ARID3A: variants seen among roughly 807,000 people sequenced by gnomAD.
The protein encoded by ARID3A is AT-rich interaction domain 3A, also known as AT-rich interactive domain-containing protein 3A.
ARID3A carries 11 observed loss-of-function variants against 52.7 expected under a neutral mutation model. The ratio of observed to expected loss-of-function variants is 0.21; its 90% CI spans 0.13 to 0.35. The LOEUF (loss-of-function observed/expected upper bound fraction) is 0.35. Among genes scored for constraint, ARID3A ranks in the 10% least tolerant of loss-of-function variants. The pLI is 1.00. For synonymous variants in ARID3A, 404 were observed against 359.4 expected, an observed-to-expected ratio of 1.12 and a Z score of -1.40; for missense variants, 721 against 838.5, an observed-to-expected ratio of 0.86 and a Z score of 1.73.
rs1056204832 is a variant in ARID3A at position 947,693 on chromosome 19, A to T, written c.694-12399A>T. On this transcript the variant is annotated intron_variant, in intron 3 of 8. Transcript: ENST00000263620. The surrounding 1 kb of genome is among the most constrained non-coding windows in gnomAD (Gnocchi z 6.3). Reference sequence around the variant, plus strand: ...AAATCCACAGAGAAGCACCTTCACCACGCCAGCTTCCCGGGCCGCGCTTCA... The same window carrying T: ...AAATCCACAGAGAAGCACCTTCACCTCGCCAGCTTCCCGGGCCGCGCTTCA... Among the ~76,000 whole-genome samples the T allele has an allele frequency of 6.6e-6, 1 of 152,160 alleles. No homozygotes were observed. The highest frequency in any genetic ancestry group is 1.5e-5 in the Non-Finnish European group (1 of 68,028).
Position 960,990 on chromosome 19 carries a change from C to T in ARID3A, c.766+826C>T, listed in dbSNP as rs375174554. Reference sequence around the variant, plus strand: ...GAGTGACCACGGGGCAGAGAGAGTGCGGCAAGGGCTTCCGTCTCGCCTCCA... The same window carrying T: ...GAGTGACCACGGGGCAGAGAGAGTGTGGCAAGGGCTTCCGTCTCGCCTCCA... On this transcript the variant is annotated intron_variant, in intron 4 of 8. Coordinates refer to ENST00000263620, the MANE Select transcript of ARID3A (RefSeq NM_005224.3). This position sits in a 1 kb window ranked among gnomAD's most constrained non-coding sequence, Gnocchi z 4.3. Among the ~76,000 whole-genome samples, 4 of 152,098 alleles carry T rather than the reference C, an allele frequency of 2.6e-5. No individual in the cohort carries two copies. Among genetic ancestry groups the T allele is most frequent in the East Asian group, 1.9e-4 (1 of 5,190 alleles).
intron 3 of ARID3A, among the ~76,000 whole-genome samples, chr19:957,242 C>A (rs925014611): frequency 6.6e-6 from 1 of 152,128 alleles, no homozygotes; most frequent in East Asian, 1.9e-4. Flanking sequence ...CAGAGGCGGT[C>A]GGTGGCTCAT....
At position 964,070 on chromosome 19, in the gene ARID3A, G is replaced by A. The variant is rs1442874131; in HGVS notation, c.767-178G>A. The stretch of plus-strand genomic sequence containing the variant: ...CCCCTCTGCACCCTCTCGAGCAGAG[G>A]TTCCCAGCCTGGATGATCCTGCACC... On this transcript the variant is annotated intron_variant, in intron 4 of 8. Coordinates refer to ENST00000263620, the MANE Select transcript of ARID3A (RefSeq NM_005224.3). This position sits in a 1 kb window ranked among gnomAD's most constrained non-coding sequence, Gnocchi z 5.7. 2.0e-5 allele frequency among the ~76,000 whole-genome samples: 3 copies of A among 152,198 alleles called. No individual in the cohort carries two copies. Among genetic ancestry groups the A allele is most frequent in the South Asian group, 2.1e-4 (1 of 4,830 alleles).
chr19:971,455 TA>T (rs1403038038), intron 8 of ARID3A, among the ~76,000 whole-genome samples: 2 of 151,870 alleles, frequency 1.3e-5, no homozygotes, highest in Non-Finnish European at 2.9e-5. Context: ...GTACTAAAAA[TA>T]AAAAATTGGC....
chr19:973,354 T>C lies in ARID3A; in HGVS notation c.*1289T>C, dbSNP rs1233968931. ...ATCTCGAACTCCTGACCTCAGGTGA[T>C]CTGCCCGCCTTGGCCTCCCAAAGTG... is the stretch of plus-strand genomic sequence containing the variant. On this transcript the variant is annotated 3_prime_UTR_variant, in exon 9 of 9. Coordinates refer to ENST00000263620, the MANE Select transcript of ARID3A (RefSeq NM_005224.3). 1.7e-5 allele frequency: 3 copies of C among 181,522 alleles called. No homozygotes were observed. Among genetic ancestry groups the C allele is most frequent in the African/African-American group, 7.1e-5 (3 of 42,340 alleles). The allele number at this position is 181,522 out of a possible 1,614,324, so 11.2% of individuals were successfully genotyped here.
At chr19:969,120 T>G (rs1599430095) in intron 8 of ARID3A, among the ~76,000 whole-genome samples, 1 of 152,144 alleles carries the variant, frequency 6.6e-6, no homozygotes, top group African/African-American at 2.4e-5. Flanking sequence ...TTTATTTTTT[T>G]TAATTTGTAA....
chr19:957,309 A>T (rs2037942768), intron 3 of ARID3A, among the ~76,000 whole-genome samples: 1 of 152,180 alleles, frequency 6.6e-6, no homozygotes, highest in Admixed American at 6.5e-5. Context: ...AGCAGGAGAC[A>T]GGAGGACCGG....
At position 966,807 on chromosome 19, in the gene ARID3A, C is replaced by G. The variant is rs919105418; in HGVS notation, c.1434C>G (p.Leu478=). The change falls in exon 7 of 9, where the codon CTC becomes CTG. Residue 478 remains leucine (L), a synonymous_variant. Coordinates refer to ENST00000263620, the MANE Select transcript of ARID3A (RefSeq NM_005224.3). The stretch of plus-strand genomic sequence containing the variant: ...AGCAACGGCTGATGCAACGTGCACT[C>G]CAGCAGAACTTCCTGGCCATGGCGG... ...DEQQRLMQRA[L]QQNFLAMAAQ... is the part of the protein sequence containing the mutation. The G allele has an allele frequency of 4.3e-6, 7 of 1,613,500 alleles. No individual in the cohort carries two copies. The African/African-American group carries it at 9.3e-5, about 22-fold the overall frequency.
rs61735586 is a variant in ARID3A at position 966,714 on chromosome 19, A to G, written c.1341A>G (p.Glu447=). Residue 447 remains glutamate, a synonymous_variant, in exon 7 of 9, where the codon GAA becomes GAG. Transcript: ENST00000263620. ...AAVAAQAAAL[E]QLREKLESAE... is the part of the protein sequence containing the mutation. ...TGGCCGCACAGGCAGCTGCCCTGGA[A>G]CAGCTGCGGGAGAAGCTGGAGTCTG... is the stretch of plus-strand genomic sequence containing the variant. The G allele has an allele frequency of 2.8e-3, 4,491 of 1,612,404 alleles. 107 individuals are homozygous for G. In the African/African-American group the frequency reaches 0.052, roughly 19 times the overall value.
rs1465612722 is a variant in ARID3A, at chr19:959,456, A to G, written c.694-636A>G. 2.0e-5 allele frequency among the ~76,000 whole-genome samples: 3 copies of G among 152,010 alleles called. No individual in the cohort carries two copies. Among genetic ancestry groups the G allele is most frequent in the African/African-American group, 4.8e-5 (2 of 41,376 alleles). ...ACCTGGGTAACTTTTTGTTATCATA[A>G]TGTAGAGATGGGGTCTCACTATGTT... On this transcript the variant is annotated intron_variant, in intron 3 of 8. Coordinates refer to ENST00000263620, the MANE Select transcript of ARID3A (RefSeq NM_005224.3). The surrounding 1 kb of genome is among the most constrained non-coding windows in gnomAD (Gnocchi z 5.0).
intron 3 of ARID3A, among the ~76,000 whole-genome samples, chr19:939,233 C>G (rs1404820738): frequency 6.6e-6 from 1 of 152,096 alleles, no homozygotes; most frequent in African/African-American, 2.4e-5. Flanking sequence ...ATTCTCCTGC[C>G]TCAGCCTCCA....
chr19:947,868 G>A lies in ARID3A; in HGVS notation c.694-12224G>A, dbSNP rs1020687089. On this transcript the variant is annotated intron_variant, in intron 3 of 8. Coordinates refer to ENST00000263620, the MANE Select transcript of ARID3A (RefSeq NM_005224.3). The surrounding 1 kb of genome is among the most constrained non-coding windows in gnomAD (Gnocchi z 6.3). The stretch of plus-strand genomic sequence containing the variant: ...AGAATCACTTCCCCAATTTCCCCAC[G>A]CCCGGCGGGGCTCTCAGCATCTGCA... Among the ~76,000 whole-genome samples, 4 of 152,308 alleles carry A rather than the reference G, an allele frequency of 2.6e-5. No homozygotes were observed. The highest frequency in any genetic ancestry group is 6.5e-5 in the Admixed American group (1 of 15,296).
In ARID3A at chr19:972,076, C is replaced by G. The variant is rs1402003109; in HGVS notation, c.*11C>G. ...AACTCGTTGCCTTAACCGCATCACTCCCCACCCGCCACCCACCCTGGAGCC... is the reference window on the plus strand; with the variant it reads ...AACTCGTTGCCTTAACCGCATCACTGCCCACCCGCCACCCACCCTGGAGCC... On this transcript the variant is annotated 3_prime_UTR_variant, in exon 9 of 9. Transcript: ENST00000263620. 3 of 1,511,592 alleles carry G rather than the reference C, an allele frequency of 2.0e-6. No individual in the cohort carries two copies. The highest frequency in any genetic ancestry group is 2.6e-6 in the Non-Finnish European group (3 of 1,132,758). 93.6% of individuals were successfully genotyped at this position (1,511,592 alleles called of 1,614,324 possible).
chr19:930,925 C>A (rs1220693127), intron 2 of ARID3A, among the ~76,000 whole-genome samples: 2 of 152,198 alleles, frequency 1.3e-5, no homozygotes, highest in East Asian at 3.9e-4. Context: ...GTGTGGGTCC[C>A]CCCAGGGCTG....
chr19:940,934 G>A (rs1233620481), intron 3 of ARID3A, among the ~76,000 whole-genome samples: 2 of 152,100 alleles, frequency 1.3e-5, no homozygotes, highest in Non-Finnish European at 2.9e-5. Flanking sequence ...GTGGGTGCCC[G>A]CCAGCCCCTG....
intron 3 of ARID3A, among the ~76,000 whole-genome samples, chr19:935,862 C>T (rs558985818): frequency 1.3e-4 from 20 of 152,358 alleles, no homozygotes; most frequent in African/African-American, 4.6e-4. Context: ...GCGATCGCGG[C>T]TCACTGCAAG....
intron 4 of ARID3A, among the ~76,000 whole-genome samples, chr19:962,665 C>T (rs1230362162): frequency 1.3e-5 from 2 of 152,036 alleles, no homozygotes; most frequent in Non-Finnish European, 2.9e-5. Context: ...CAGGCGCCCG[C>T]CACCACGCCC....
At chr19:968,021 G>A (rs1428795376) in intron 7 of ARID3A, among the ~76,000 whole-genome samples, 2 of 149,948 alleles carry the variant, frequency 1.3e-5, no homozygotes, top group Non-Finnish European at 3.0e-5. Flanking sequence ...CTCCAGCCTG[G>A]GTGACAGAGT....
chr19:966,174 A>AG (rs2038147218), intron 6 of ARID3A, among the ~76,000 whole-genome samples: 1 of 149,646 alleles, frequency 6.7e-6, no homozygotes, highest in Non-Finnish European at 1.5e-5. Flanking sequence ...GCAAAAAAAA[A>AG]AAAGGCTGGG....
Sources: allele counts gnomAD v4.1 joint callset (sites outside exome capture counted in the v4.1 genomes callset), GRCh38; gene constraint gnomAD v4.1.1; non-coding constraint Gnocchi (gnomAD v3.1); transcripts MANE v1.5; gene names NCBI Gene and HGNC (gene_info 2026-07-23, HGNC 2026-07-21).